LPO: variants seen among roughly 807,000 people sequenced by gnomAD.
LPO encodes lactoperoxidase, also known as salivary peroxidase.
A neutral mutation model predicts 68.4 loss-of-function variants in LPO; 70 were observed. That is an observed-to-expected ratio of 1.02 (90% confidence interval 0.84 to 1.25). The LOEUF is 1.25. Ranked by LOEUF, LPO falls within the 50% of genes most tolerant of loss-of-function variation. The pLI, the probability that LPO is intolerant of heterozygous loss-of-function variation, is 0.00. For missense variants in LPO, 873 were observed against 908.4 expected (o/e 0.96, Z 0.50); for synonymous variants, 360 against 357.6 (o/e 1.01, Z -0.08).
intron 1 of LPO, among the ~76,000 whole-genome samples, 155 bp downstream of exon 1, chr17:58,238,894 G>C (rs539904063): frequency 6.6e-6 from 1 of 152,060 alleles, no homozygotes; most frequent in Non-Finnish European, 1.5e-5. Flanking sequence ...CACTCCTCTT[G>C]TTTGGTATAA....
At position 58,266,319 on chromosome 17, in the gene LPO, G is replaced by A; in HGVS notation, c.1686G>A (p.Gly562=). Residue 562 remains glycine, a synonymous_variant, in exon 11 of 13, where the codon GGG becomes GGA. Coordinates refer to ENST00000262290, the MANE Select transcript of LPO (RefSeq NM_006151.3). ...AINTQRCRDH[G]QPGYNSWRAF... ...ACACACAGCGTTGCCGGGACCATGGGCAACCTGGTGAGTGTCTGAAGTCTG... is the reference window on the plus strand; with the variant it reads ...ACACACAGCGTTGCCGGGACCATGGACAACCTGGTGAGTGTCTGAAGTCTG... The A allele has an allele frequency of 6.2e-7, 1 of 1,613,946 alleles. No homozygotes were observed. Among genetic ancestry groups the A allele is most frequent in the Non-Finnish European group, 8.5e-7 (1 of 1,180,008 alleles).
chr17:58,249,386 CG>C, intron 5 of LPO, 179 bp from the exon 6 acceptor site: 1 of 1,049,672 alleles, frequency 9.5e-7, no homozygotes, highest in Non-Finnish European at 1.3e-6. Context: ...CACCTTTCCC[CG>C]GGGCGGGGGA....
intron 6 of LPO, 59 bp downstream of exon 6, chr17:58,249,754 C>T: frequency 6.7e-7 from 1 of 1,502,808 alleles, no homozygotes; most frequent in Non-Finnish European, 8.8e-7. Context: ...GATGCACTAC[C>T]CAAACACGCA....
intron 9 of LPO, among the ~76,000 whole-genome samples, chr17:58,262,136 T>C (rs1408430997): frequency 3.9e-5 from 6 of 152,228 alleles, no homozygotes; most frequent in Admixed American, 3.3e-4. Context: ...CTGTCCTTCT[T>C]CTATTACCAT....
At chr17:58,249,742 G>C in intron 6 of LPO, 47 bp downstream of exon 6, 1 of 1,519,886 alleles carries the variant, frequency 6.6e-7, no homozygotes, top group Non-Finnish European at 8.8e-7. Context: ...CAGAGGGGAC[G>C]GGATGCACTA....
chr17:58,242,910 T>C, intron 1 of LPO, 68 bp from the exon 2 acceptor site: 2 of 1,362,750 alleles, frequency 1.5e-6, no homozygotes, highest in Non-Finnish European at 2.1e-6. Flanking sequence ...TTCTCTGCTT[T>C]CTGTGGTTCA....
intron 1 of LPO, among the ~76,000 whole-genome samples, chr17:58,241,101 T>C (rs905925194): frequency 2.6e-5 from 4 of 151,808 alleles, no homozygotes; most frequent in Non-Finnish European, 4.4e-5. Context: ...TTTTTGTTGT[T>C]GTTGTTCTTT....
At chr17:58,252,782 G>C (rs916863522) in intron 8 of LPO, among the ~76,000 whole-genome samples, 2 of 148,330 alleles carry the variant, frequency 1.3e-5, no homozygotes, top group African/African-American at 5.0e-5. Flanking sequence ...CCAGCACTTT[G>C]GGAGGCCGAG....
chr17:58,239,160 A>G (rs930713657), intron 1 of LPO, among the ~76,000 whole-genome samples: 1 of 151,566 alleles, frequency 6.6e-6, no homozygotes, highest in Non-Finnish European at 1.5e-5. Flanking sequence ...CCTCTCCACT[A>G]TAGTGGAGAT....
chr17:58,266,031 G>A (rs149616154), intron 10 of LPO, 122 bp from the exon 11 acceptor site: 1 of 892,432 alleles, frequency 1.1e-6, no homozygotes. Flanking sequence ...CTTCCAGCCT[G>A]GGATGTCCAG....
At chr17:58,263,197 A>G (rs980008367) in intron 9 of LPO, among the ~76,000 whole-genome samples, 1 of 152,000 alleles carries the variant, frequency 6.6e-6, no homozygotes, top group African/African-American at 2.4e-5. Flanking sequence ...TATAATTTCT[A>G]CTTCTTTGCT....
chr17:58,252,583 G>C, intron 8 of LPO, 77 bp downstream of exon 8: 3 of 1,416,182 alleles, frequency 2.1e-6, no homozygotes, highest in Non-Finnish European at 2.9e-6. Context: ...CCCCCTTCTT[G>C]TCATCTTTCT....
intron 9 of LPO, among the ~76,000 whole-genome samples, chr17:58,256,541 C>A (rs1970075537): frequency 6.6e-6 from 1 of 151,818 alleles, no homozygotes; most frequent in Admixed American, 6.6e-5. Flanking sequence ...TCCTGCTGGG[C>A]ACAGTGGCTC....
In LPO at chr17:58,264,896, A is replaced by G. The variant is rs770820703; in HGVS notation, c.1441A>G (p.Asn481Asp). 5.6e-6 allele frequency: 9 copies of G among 1,614,018 alleles called. No individual in the cohort carries two copies. In the Admixed American group the frequency reaches 1.5e-4, roughly 27 times the overall value. Residue 481 changes from asparagine (N) to aspartate (D), a missense_variant, in exon 10 of 13, where the codon AAT (asparagine) becomes GAT (aspartate). By Grantham distance (23) the Asn-to-Asp change is conservative (BLOSUM62 1). Coordinates refer to ENST00000262290, the MANE Select transcript of LPO (RefSeq NM_006151.3). ...VPSSMFRLDE[N>D]YQPWGPEPEL... ...CTCTAGTATGTTCCGCCTGGATGAG[A>G]ATTATCAGCCATGGGGGCCAGAACC...
Position 58,254,798 on chromosome 17 carries a change from TCTG to T in LPO, c.1106-12_1106-10del. On this transcript the variant is annotated splice_polypyrimidine_tract_variant and intron_variant, in intron 8 of 12. Transcript: ENST00000262290. ...TTAGGGAGAATCTACCTTCCTGCCT[TCTG>T]GGCTTTCAGGAGATTCTCGAGCCTC... The T allele has an allele frequency of 6.2e-7, 1 of 1,613,696 alleles. No individual in the cohort carries two copies. Among genetic ancestry groups the T allele is most frequent in the Non-Finnish European group, 8.5e-7 (1 of 1,179,740 alleles).
chr17:58,244,090 GAC>G lies in LPO; in HGVS notation c.164+50_164+51del, dbSNP rs67390833. 0.08 allele frequency: 82,889 copies of G among 1,036,622 alleles called. 649 individuals carry two copies. Among genetic ancestry groups the G allele is most frequent in the East Asian group, 0.15 (5,794 of 37,760 alleles). The allele number at this position is 1,036,622 out of a possible 1,614,324, so 64.2% of individuals were successfully genotyped here. On this transcript the variant is annotated intron_variant, in intron 3 of 12. Coordinates refer to ENST00000262290, the MANE Select transcript of LPO (RefSeq NM_006151.3). Reference sequence around the variant, plus strand: ...CTGGACTCCCGAACCAGGTACGTGAGACACACACACACACACACACACACACA... The same window carrying G: ...CTGGACTCCCGAACCAGGTACGTGAGACACACACACACACACACACACACA...
rs1969896536 is a variant in LPO, at chr17:58,248,666, G to A, written c.326-394G>A. Among the ~76,000 whole-genome samples the A allele has an allele frequency of 2.0e-5, 3 of 152,200 alleles. No individual in the cohort carries two copies. The South Asian group carries it at 6.2e-4, about 32-fold the overall frequency. On this transcript the variant is annotated intron_variant, in intron 4 of 12. Coordinates refer to ENST00000262290, the MANE Select transcript of LPO (RefSeq NM_006151.3). ...TACTTCAGATGTGAACGAAGCTTTA[G>A]AAGAAAGCAGTCTTATCACACTAAC...
At chr17:58,251,584 T>C (rs1249008703) in intron 7 of LPO, 1 of 253,382 alleles carries the variant, frequency 3.9e-6, no homozygotes, top group Non-Finnish European at 7.9e-6. Flanking sequence ...ATTTCTTCAC[T>C]CAAAGAATAA....
At position 58,254,953 on chromosome 17, in the gene LPO, C is replaced by T. The variant is rs528984646; in HGVS notation, c.1248C>T (p.Ile416=). The T allele has an allele frequency of 5.5e-5, 89 of 1,614,032 alleles. No homozygotes were observed. In the South Asian group the frequency reaches 9.0e-4, roughly 16 times the overall value. ...GEKLYQEARK[I]LGAFVQIITF... ...AGCTCTACCAGGAAGCCCGGAAAAT[C>T]CTGGGAGCCTTCGTGCAGGTAGGGA... The change falls in exon 9 of 13, where the codon ATC becomes ATT. Residue 416 remains isoleucine, a synonymous_variant. Coordinates refer to ENST00000262290, the MANE Select transcript of LPO (RefSeq NM_006151.3).
Sources: allele counts gnomAD v4.1 joint callset (sites outside exome capture counted in the v4.1 genomes callset), GRCh38; gene constraint gnomAD v4.1.1; transcripts MANE v1.5; gene names NCBI Gene and HGNC (gene_info 2026-07-23, HGNC 2026-07-21).